Variants in KDM2B observed in about 807,000 individuals in gnomAD.
KDM2B encodes lysine-specific demethylase 2B.
In KDM2B, 26 loss-of-function variants were observed where a neutral mutation model predicts 150.0. That is an observed-to-expected ratio of 0.17 (90% confidence interval 0.13 to 0.24). KDM2B has a LOEUF of 0.24. Ranked by LOEUF, KDM2B falls within the 10% of genes least tolerant of loss-of-function variation. The pLI, the probability that KDM2B is intolerant of heterozygous loss-of-function variation, is 1.00. For synonymous variants in KDM2B, 734 were observed against 729.5 expected, an observed-to-expected ratio of 1.01 and a Z score of -0.10; for missense variants, 1,265 against 1,816.9, an observed-to-expected ratio of 0.70 and a Z score of 5.52.
At chr12:121,463,710 G>C (rs1421485662) in intron 12 of KDM2B, among the ~76,000 whole-genome samples, 1 of 152,164 alleles carries the variant, frequency 6.6e-6, no homozygotes, top group African/African-American at 2.4e-5. Flanking sequence ...CCTCCGAGTA[G>C]CTGGGACTAC....
Position 121,481,551 on chromosome 12 carries a change from G to T in KDM2B, c.1734+13028C>A, listed in dbSNP as rs185835659. Among the ~76,000 whole-genome samples, 708 of 149,856 alleles carry T rather than the reference G, an allele frequency of 4.7e-3. 26 individuals are homozygous for T. The highest frequency in any genetic ancestry group is 0.043 in the Admixed American group (643 of 14,850). ...AGAAAGAAGTCGGGGGGGTGGGGGC[G>T]GGGAATGACAACTTATTCCTAATGT... On this transcript the variant is annotated intron_variant, in intron 12 of 22. Coordinates refer to ENST00000377071, the MANE Select transcript of KDM2B (RefSeq NM_032590.5).
intron 4 of KDM2B, among the ~76,000 whole-genome samples, chr12:121,555,996 G>A (rs782189434): frequency 6.0e-5 from 9 of 151,260 alleles, no homozygotes; most frequent in Non-Finnish European, 8.8e-5. Flanking sequence ...GCACGATCTC[G>A]GCTCACTGCA....
At chr12:121,479,445 C>G (rs1291134042) in intron 12 of KDM2B, among the ~76,000 whole-genome samples, 1 of 140,348 alleles carries the variant, frequency 7.1e-6, no homozygotes, top group Non-Finnish European at 1.5e-5. Context: ...CCAGCCTGGG[C>G]GACAGAGCGA....
chr12:121,443,156 A>G lies in KDM2B; in HGVS notation c.2566-126T>C, dbSNP rs1875470797. Reference sequence around the variant, plus strand: ...GGGGCTGGAGGGAGGCCTTCCCCACAAATGCCATCTCCACGTCTGACCGAC... The same window carrying G: ...GGGGCTGGAGGGAGGCCTTCCCCACGAATGCCATCTCCACGTCTGACCGAC... On this transcript the variant is annotated intron_variant, in intron 17 of 22. Transcript: ENST00000377071. The G allele has an allele frequency of 4.6e-6, 4 of 862,350 alleles. No individual in the cohort carries two copies. In the South Asian group the frequency reaches 6.3e-5, roughly 14 times the overall value. 53.4% of individuals were successfully genotyped at this position (862,350 alleles called of 1,614,324 possible).
intron 17 of KDM2B, 171 bp from the exon 18 acceptor site, chr12:121,443,201 G>C: frequency 7.7e-6 from 5 of 648,202 alleles, no homozygotes; most frequent in Non-Finnish European, 1.1e-5. Context: ...AGCCCTGCCT[G>C]CAGCTTTCAA....
chr12:121,447,247 C>CT (rs61011924), intron 13 of KDM2B, among the ~76,000 whole-genome samples: 122 of 146,544 alleles, frequency 8.3e-4, no homozygotes, highest in South Asian at 1.5e-3. Context: ...CAGGTCTTCT[C>CT]TTTTTTTTTT....
intron 13 of KDM2B, among the ~76,000 whole-genome samples, chr12:121,451,108 C>T (rs1422598623): frequency 6.6e-6 from 1 of 150,524 alleles, no homozygotes; most frequent in Non-Finnish European, 1.5e-5. Flanking sequence ...GCGTCTCCTG[C>T]CCCCCCCTTC....
intron 12 of KDM2B, among the ~76,000 whole-genome samples, chr12:121,486,114 A>AT (rs113709418): frequency 0.039 from 4,914 of 126,838 alleles, 277 homozygotes; most frequent in African/African-American, 0.13. Context: ...ATTTTACCAC[A>AT]TTTTTTTTTT....
At position 121,549,265 on chromosome 12, in the gene KDM2B, G is replaced by C. The variant is rs1889302757; in HGVS notation, c.576+195C>G. ...GGGTCACTTGAACCCAGGAGTTCAA[G>C]GCCAGCCTGGGCAACATAGCAAGAT... On this transcript the variant is annotated intron_variant, in intron 5 of 22. Coordinates refer to ENST00000377071, the MANE Select transcript of KDM2B (RefSeq NM_032590.5). The surrounding 1 kb of genome is among the most constrained non-coding windows in gnomAD (Gnocchi z 4.4). Among the ~76,000 whole-genome samples the C allele has an allele frequency of 6.6e-6, 1 of 152,108 alleles. No individual in the cohort carries two copies. Among genetic ancestry groups the C allele is most frequent in the Non-Finnish European group, 1.5e-5 (1 of 68,020 alleles).
chr12:121,554,404 A>G (rs1373470003), intron 4 of KDM2B, among the ~76,000 whole-genome samples: 3 of 146,356 alleles, frequency 2.0e-5, no homozygotes, highest in Non-Finnish European at 2.9e-5. Context: ...CCTTTGTAAC[A>G]TACTTTTTTT....
At chr12:121,551,225 G>A (rs943018639) in intron 4 of KDM2B, among the ~76,000 whole-genome samples, 7 of 152,032 alleles carry the variant, frequency 4.6e-5, no homozygotes, top group South Asian at 2.1e-4. Flanking sequence ...TCATGTGGTC[G>A]GAACTGAAAA....
rs1888182573 is a variant in KDM2B at position 121,537,061 on chromosome 12, C to T, written c.684-2471G>A. 1.3e-5 allele frequency among the ~76,000 whole-genome samples: 2 copies of T among 152,132 alleles called. No homozygotes were observed. Among genetic ancestry groups the T allele is most frequent in the Admixed American group, 1.3e-4 (2 of 15,290 alleles). On this transcript the variant is annotated intron_variant, in intron 6 of 22. Transcript: ENST00000377071. This position sits in a 1 kb window ranked among gnomAD's most constrained non-coding sequence, Gnocchi z 8.7. ...CAGAGGCCCCTCGGGGGGCTGGGGC[C>T]GCCTCTTCCAGACCTGCCTCTCCCG...
At position 121,475,182 on chromosome 12, in the gene KDM2B, CTGTGTGTGTG is replaced by C. The variant is rs60083867; in HGVS notation, c.1734+19387_1734+19396del. Among the ~76,000 whole-genome samples the C allele has an allele frequency of 4.6e-3, 647 of 139,754 alleles. 3 individuals carry two copies. Among genetic ancestry groups the C allele is most frequent in the African/African-American group, 0.014 (532 of 37,198 alleles). 91.7% of individuals were successfully genotyped at this position (139,754 alleles called of 152,430 possible). ...CCCTGTCATTAAACTACACATGACT[CTGTGTGTGTG>C]TGTGTGTGTGTGTGTGTGTGTGTGT... On this transcript the variant is annotated intron_variant, in intron 12 of 22. Transcript: ENST00000377071.
At position 121,484,546 on chromosome 12, in the gene KDM2B, G is replaced by A. The variant is rs782107229; in HGVS notation, c.1734+10033C>T. Among the ~76,000 whole-genome samples, 4 of 152,164 alleles carry A rather than the reference G, an allele frequency of 2.6e-5. No homozygotes were observed. The East Asian group carries it at 7.7e-4, about 29-fold the overall frequency. On this transcript the variant is annotated intron_variant, in intron 12 of 22. Coordinates refer to ENST00000377071, the MANE Select transcript of KDM2B (RefSeq NM_032590.5). ...TTTAACGAAGATGGAGGCCGGACAT[G>A]GTGGCTCACGCCTGTAGTCCTAGCA... is the stretch of plus-strand genomic sequence containing the variant.
At chr12:121,564,109 C>T (rs556252752) in intron 4 of KDM2B, among the ~76,000 whole-genome samples, 1 of 151,972 alleles carries the variant, frequency 6.6e-6, no homozygotes, top group South Asian at 2.1e-4. Flanking sequence ...AGCAGAACCC[C>T]CCACAACAAA....
Position 121,452,283 on chromosome 12 carries a change from A to AT in KDM2B, c.1959+836dup, listed in dbSNP as rs141850946. Among the ~76,000 whole-genome samples the AT allele has an allele frequency of 1.2e-4, 19 of 152,212 alleles. No individual in the cohort carries two copies. The highest frequency in any genetic ancestry group is 2.1e-4 in the South Asian group (1 of 4,830). On this transcript the variant is annotated intron_variant, in intron 13 of 22. Transcript: ENST00000377071. This position sits in a 1 kb window ranked among gnomAD's most constrained non-coding sequence, Gnocchi z 4.4. Reference sequence around the variant, plus strand: ...CTGCATACTTAAAAATGATTAATGTATTTTTTTTACCACAATTTCAAAAAA... The same window carrying AT: ...CTGCATACTTAAAAATGATTAATGTATTTTTTTTTACCACAATTTCAAAAAA...
At chr12:121,445,548 C>T in intron 13 of KDM2B, 130 bp from the exon 14 acceptor site, 1 of 786,686 alleles carries the variant, frequency 1.3e-6, no homozygotes, top group Non-Finnish European at 2.0e-6. Context: ...GGCCCAGGCA[C>T]ATTCGCTCAC....
chr12:121,478,966 C>A (rs532797233), intron 12 of KDM2B, among the ~76,000 whole-genome samples: 2 of 151,736 alleles, frequency 1.3e-5, no homozygotes, highest in South Asian at 4.2e-4. Flanking sequence ...GATCTTCCCG[C>A]CTTGGCCTCC....
the KDM2B span, chr12:121,420,369 T>C: frequency 1.3e-6 from 2 of 1,554,716 alleles, no homozygotes; most frequent in Non-Finnish European, 1.7e-6. Context: ...TTCCCTGACA[T>C]GTCAGCCTGA....
Sources: allele counts gnomAD v4.1 joint callset (sites outside exome capture counted in the v4.1 genomes callset), GRCh38; gene constraint gnomAD v4.1.1; non-coding constraint Gnocchi (gnomAD v3.1); transcripts MANE v1.5; gene names NCBI Gene and HGNC (gene_info 2026-07-23, HGNC 2026-07-21).